Variants in EXPH5 observed in about 807,000 individuals in gnomAD.
EXPH5 encodes the protein exophilin 5, also known as exophilin-5.
EXPH5 carries 42 observed loss-of-function variants against 41.1 expected under a neutral mutation model. The observed-to-expected ratio is 1.02, with a 90% CI of 0.80 to 1.32. The LOEUF is 1.32. EXPH5 is among the 40% of genes most tolerant of loss of function. The pLI is 0.00. For synonymous variants in EXPH5, 798 were observed against 833.5 expected (o/e 0.96, Z 0.73); for missense variants, 2,298 against 2,314.5 (o/e 0.99, Z 0.15).
intron 1 of EXPH5, among the ~76,000 whole-genome samples, chr11:108,545,323 T>C (rs1006318611): frequency 6.6e-6 from 1 of 152,080 alleles, no homozygotes. Flanking sequence ...CTGAGGTATA[T>C]ATGTAATATT....
Position 108,541,782 on chromosome 11 carries a change from T to C in EXPH5, c.150A>G (p.Arg50=), listed in dbSNP as rs2093914448. 1 of 1,609,516 alleles carries C rather than the reference T, an allele frequency of 6.2e-7. No individual in the cohort carries two copies. The highest frequency in any genetic ancestry group is 8.5e-7 in the Non-Finnish European group (1 of 1,178,688). ...SKLQKTKRDI[R]WLQGVTGEWF... ...ATTCACCAGTCACTCCCTGAAGCCATCTGATATCCCTCTTTGTCTTCTGAA... is the reference window on the plus strand; with the variant it reads ...ATTCACCAGTCACTCCCTGAAGCCACCTGATATCCCTCTTTGTCTTCTGAA... Residue 50 remains arginine (R), a synonymous_variant, in exon 2 of 6, where the codon AGA becomes AGG. Transcript: ENST00000265843.
chr11:108,598,353 T>A (rs192255902), upstream of EXPH5, among the ~76,000 whole-genome samples: 122 of 152,320 alleles, frequency 8.0e-4, no homozygotes, highest in Admixed American at 7.8e-3. Context: ...GTTATGGGCA[T>A]GTAGTATTTG....
At chr11:108,554,571 G>C (rs1173393569) in intron 1 of EXPH5, among the ~76,000 whole-genome samples, 1 of 152,076 alleles carries the variant, frequency 6.6e-6, no homozygotes, top group Non-Finnish European at 1.5e-5. Flanking sequence ...GGGATAATGG[G>C]GTTGGGGGTG....
In EXPH5 at chr11:108,509,749, C is replaced by A; in HGVS notation, c.5758G>T (p.Gly1920Cys). ...LWKPSFLKNPGFLKDDLRNPP... is the reference protein window; with the variant it reads ...LWKPSFLKNPCFLKDDLRNPP... ...TTCCTCAAATCATCTTTTAGGAAGC[C>A]AGGGTTCTTAAGAAAACTTGGTTTC... is the stretch of plus-strand genomic sequence containing the variant. The change falls in exon 6 of 6, where the codon GGC (glycine) becomes TGC (cysteine). Residue 1920 changes from glycine to cysteine, a missense_variant. By Grantham distance (159) the Gly-to-Cys change is radical. Coordinates refer to ENST00000265843, the MANE Select transcript of EXPH5 (RefSeq NM_015065.3). The A allele has an allele frequency of 6.2e-7, 1 of 1,606,962 alleles. No homozygotes were observed. The highest frequency in any genetic ancestry group is 8.5e-7 in the Non-Finnish European group (1 of 1,177,960).
At chr11:108,558,307 C>T (rs1193090454) in intron 1 of EXPH5, among the ~76,000 whole-genome samples, 1 of 152,188 alleles carries the variant, frequency 6.6e-6, no homozygotes, top group Admixed American at 6.5e-5. Context: ...CCTGGCTAGC[C>T]TTGAACCTCC....
intron 2 of EXPH5, among the ~76,000 whole-genome samples, chr11:108,540,934 T>C (rs1370611980): frequency 1.3e-5 from 2 of 152,116 alleles, no homozygotes; most frequent in Non-Finnish European, 1.5e-5. Context: ...GGTGCAGTCT[T>C]ACCGCTGTTG....
intron 1 of EXPH5, among the ~76,000 whole-genome samples, chr11:108,578,619 G>T (rs1305127146): frequency 3.9e-5 from 6 of 152,144 alleles, no homozygotes; most frequent in African/African-American, 9.7e-5. Context: ...AGATCACTTT[G>T]TGTAGTATGG....
At chr11:108,584,996 T>A (rs2094109247) in intron 1 of EXPH5, among the ~76,000 whole-genome samples, 1 of 152,184 alleles carries the variant, frequency 6.6e-6, no homozygotes, top group African/African-American at 2.4e-5. Context: ...TTTGCAAACC[T>A]GGTGTTCAAC....
chr11:108,506,807 A>G lies in EXPH5; in HGVS notation c.*2730T>C, dbSNP rs566876657. The G allele has an allele frequency of 1.3e-5, 2 of 152,276 alleles. No individual in the cohort carries two copies. Among genetic ancestry groups the G allele is most frequent in the East Asian group, 1.9e-4 (1 of 5,176 alleles). 9.4% of individuals were successfully genotyped at this position (152,276 alleles called of 1,614,324 possible). A position where few individuals can be genotyped will look rare whatever the true frequency, so the allele number is the denominator to read the frequency against. On this transcript the variant is annotated 3_prime_UTR_variant, in exon 6 of 6. Transcript: ENST00000265843. ...GGAGTTCGAAACCAGCCTGGCCAACATGGCGAAACCCCGTCTCTGCTAAAA... is the reference window on the plus strand; with the variant it reads ...GGAGTTCGAAACCAGCCTGGCCAACGTGGCGAAACCCCGTCTCTGCTAAAA...
At position 108,568,181 on chromosome 11, in the gene EXPH5, G is replaced by GC. The variant is rs1555198218; in HGVS notation, c.119+25236_119+25237insG. On this transcript the variant is annotated intron_variant, in intron 1 of 5. Coordinates refer to ENST00000265843, the MANE Select transcript of EXPH5 (RefSeq NM_015065.3). ...TAAAGTGTCTTACTTTTTTTGGGAG[G>GC]GGGGGAGGGCGTCTCAATAATCAGT... The GC allele has an allele frequency of 7.4e-5, 11 of 149,636 alleles. 1 individual carries two copies. Among genetic ancestry groups the GC allele is most frequent in the African/African-American group, 2.0e-4 (8 of 39,952 alleles). The allele number at this position is 149,636 out of a possible 1,614,324, so 9.3% of individuals were successfully genotyped here. A position where few individuals can be genotyped will look rare whatever the true frequency, so the allele number is the denominator to read the frequency against.
intron 1 of EXPH5, among the ~76,000 whole-genome samples, chr11:108,544,275 G>C (rs945290971): frequency 6.6e-6 from 1 of 152,022 alleles, no homozygotes; most frequent in Admixed American, 6.6e-5. Context: ...CTGAAGCCTT[G>C]ACCTCCTAGG....
chr11:108,603,242 G>A, the EXPH5 span, among the ~76,000 whole-genome samples: 1 of 152,114 alleles, frequency 6.6e-6, no homozygotes, highest in Admixed American at 6.5e-5. Context: ...AATACAATAG[G>A]GTTGCCTTTT....
At chr11:108,533,167 C>T (rs2093854675) in intron 3 of EXPH5, among the ~76,000 whole-genome samples, 1 of 152,062 alleles carries the variant, frequency 6.6e-6, no homozygotes, top group African/African-American at 2.4e-5. Flanking sequence ...CTCTTCCTTA[C>T]CCACCACATT....
chr11:108,577,798 A>C (rs2030967479), intron 1 of EXPH5, among the ~76,000 whole-genome samples: 1 of 152,050 alleles, frequency 6.6e-6, no homozygotes, highest in Admixed American at 6.6e-5. Flanking sequence ...ATAATTAGTG[A>C]TGTTTAGCAT....
At position 108,510,367 on chromosome 11, in the gene EXPH5, C is replaced by T. The variant is rs756055412; in HGVS notation, c.5140G>A (p.Glu1714Lys). 1.1e-5 allele frequency: 18 copies of T among 1,614,066 alleles called. No homozygotes were observed. The highest frequency in any genetic ancestry group is 2.2e-5 in the East Asian group (1 of 44,900). ...GCTGCTGTGACGTCTTTAGAATTCT[C>T]ATGCTTTGATGGTGATTCTGAGACG... ...KNVSESPSKH[E>K]NSKDVTAAQN... The change falls in exon 6 of 6, where the codon GAG becomes AAG. Residue 1714 changes from glutamate (E) to lysine (K), a missense_variant. Physicochemically the swap from Glu to Lys is moderately conservative, Grantham distance 56 (BLOSUM62 1). Coordinates refer to ENST00000265843, the MANE Select transcript of EXPH5 (RefSeq NM_015065.3).
At chr11:108,573,964 C>T (rs967837097) in intron 1 of EXPH5, among the ~76,000 whole-genome samples, 3 of 151,994 alleles carry the variant, frequency 2.0e-5, no homozygotes, top group African/African-American at 7.2e-5. Context: ...TGTAGTGGCA[C>T]GATCTCGGCT....
rs375346460 is a variant in EXPH5, at chr11:108,511,465, C to T, written c.4042G>A (p.Ala1348Thr). 15 of 1,580,556 alleles carry T rather than the reference C, an allele frequency of 9.5e-6. No individual in the cohort carries two copies. The Admixed American group carries it at 9.8e-5, about 10-fold the overall frequency. Residue 1348 changes from alanine (A) to threonine (T), a missense_variant, in exon 6 of 6, where the codon GCT becomes ACT. By Grantham distance (58) the Ala-to-Thr change is moderately conservative. Transcript: ENST00000265843. ...GPLAPTLQEM[A>T]SVEAAVSLPE... The stretch of plus-strand genomic sequence containing the variant: ...AGAGAAACAGCTGCCTCAACAGAAG[C>T]CATTTCCTGTAATGTAGGAGCTAGG...
intron 1 of EXPH5, among the ~76,000 whole-genome samples, chr11:108,583,103 C>G (rs981878615): frequency 6.6e-6 from 1 of 152,048 alleles, no homozygotes; most frequent in African/African-American, 2.4e-5. Flanking sequence ...AAGTATATCG[C>G]CAGGCGCAGT....
chr11:108,567,486 ACTG>A (rs1333399539), intron 1 of EXPH5, among the ~76,000 whole-genome samples: 3 of 151,968 alleles, frequency 2.0e-5, no homozygotes, highest in Admixed American at 2.0e-4. Flanking sequence ...ACCCTACCTC[ACTG>A]CTGTCCATGC....
Sources: allele counts gnomAD v4.1 joint callset (sites outside exome capture counted in the v4.1 genomes callset), GRCh38; gene constraint gnomAD v4.1.1; transcripts MANE v1.5; gene names NCBI Gene and HGNC (gene_info 2026-07-23, HGNC 2026-07-21).